Variants in GUCY1A2 observed in about 807,000 individuals in gnomAD.
The protein encoded by GUCY1A2 is guanylate cyclase soluble subunit alpha-2.
A neutral mutation model predicts 63.5 loss-of-function variants in GUCY1A2; 27 were observed. That is an observed-to-expected ratio of 0.43 (90% CI 0.31 to 0.59). GUCY1A2 has a LOEUF of 0.59. GUCY1A2 is among the 20% of genes least tolerant of loss of function. The probability of loss-of-function intolerance (pLI) is 0.11; values close to 1 mark genes in which losing one functional copy is unlikely to be tolerated. For synonymous variants in GUCY1A2, 364 were observed against 343.5 expected (o/e 1.06, Z -0.66); for missense variants, 768 against 913.3 (o/e 0.84, Z 2.05).
At chr11:106,830,156 A>G (rs1456063957) in intron 4 of GUCY1A2, among the ~76,000 whole-genome samples, 2 of 152,206 alleles carry the variant, frequency 1.3e-5, no homozygotes, top group Non-Finnish European at 2.9e-5. Flanking sequence ...ATCATGTGAC[A>G]TAAGATTTAT....
intron 5 of GUCY1A2, among the ~76,000 whole-genome samples, chr11:106,797,374 A>G (rs1421319598): frequency 6.6e-6 from 1 of 152,070 alleles, no homozygotes; most frequent in African/African-American, 2.4e-5. Flanking sequence ...CAGATCAACG[A>G]GACAGAAAGT....
In GUCY1A2 at chr11:106,678,143, T is replaced by A. The variant is rs1216794964; in HGVS notation, c.*9406A>T. 1.5e-5 allele frequency: 3 copies of A among 196,722 alleles called. No homozygotes were observed. Among genetic ancestry groups the A allele is most frequent in the Non-Finnish European group, 3.2e-5 (3 of 94,840 alleles). The allele number at this position is 196,722 out of a possible 1,614,324, so 12.2% of individuals were successfully genotyped here. A position where few individuals can be genotyped will look rare whatever the true frequency, so the allele number is the denominator to read the frequency against. ...AATTTTTCTAAAAGTCCCCCTGAAT[T>A]ACTTTAGATAATTATACAGTCCTCT... On this transcript the variant is annotated 3_prime_UTR_variant, in exon 8 of 8. Coordinates refer to ENST00000526355, the MANE Select transcript of GUCY1A2 (RefSeq NM_000855.3).
chr11:106,751,014 C>A (rs1400178505), intron 6 of GUCY1A2, among the ~76,000 whole-genome samples: 1 of 151,958 alleles, frequency 6.6e-6, no homozygotes, highest in East Asian at 1.9e-4. Context: ...ATGATGATGC[C>A]TGGTTAATTC....
intron 5 of GUCY1A2, among the ~76,000 whole-genome samples, chr11:106,785,797 T>C (rs1864544809): frequency 6.6e-6 from 1 of 152,246 alleles, no homozygotes; most frequent in Admixed American, 6.5e-5. Context: ...CTTCAGTTGT[T>C]TTAAATGATT....
At chr11:106,985,604 A>G (rs547212200) in intron 2 of GUCY1A2, among the ~76,000 whole-genome samples, 1 of 152,346 alleles carries the variant, frequency 6.6e-6, no homozygotes, top group African/African-American at 2.4e-5. Flanking sequence ...AACCACTTCA[A>G]GAAATAGATG....
intron 1 of GUCY1A2, among the ~76,000 whole-genome samples, chr11:106,998,363 G>C (rs1174068025): frequency 1.3e-5 from 2 of 152,134 alleles, no homozygotes; most frequent in African/African-American, 4.8e-5. Flanking sequence ...TTCTGACATG[G>C]CATCATGTTT....
intron 4 of GUCY1A2, among the ~76,000 whole-genome samples, chr11:106,877,039 C>T (rs187234222): frequency 1.3e-5 from 2 of 152,118 alleles, no homozygotes; most frequent in Admixed American, 1.3e-4. Flanking sequence ...TAGTGATGCA[C>T]TTTGAAGATG....
chr11:107,003,031 T>C (rs1000133530), intron 1 of GUCY1A2, among the ~76,000 whole-genome samples: 1 of 151,954 alleles, frequency 6.6e-6, no homozygotes, highest in Non-Finnish European at 1.5e-5. Context: ...TCAAGTCTTA[T>C]CTCATCCATC....
chr11:106,928,711 T>C (rs1311306766), intron 4 of GUCY1A2, among the ~76,000 whole-genome samples: 1 of 152,218 alleles, frequency 6.6e-6, no homozygotes, highest in Non-Finnish European at 1.5e-5. Context: ...TAGAGCTTAT[T>C]GCTCCTAGGC....
At chr11:106,692,349 C>T (rs1254724798) in intron 7 of GUCY1A2, among the ~76,000 whole-genome samples, 1 of 152,114 alleles carries the variant, frequency 6.6e-6, no homozygotes, top group Admixed American at 6.6e-5. Flanking sequence ...CTCTGCTCAA[C>T]AGTTTTTTCT....
At chr11:107,002,625 G>C (rs1182906092) in intron 1 of GUCY1A2, among the ~76,000 whole-genome samples, 3 of 152,128 alleles carry the variant, frequency 2.0e-5, no homozygotes, top group Non-Finnish European at 4.4e-5. Context: ...AGTTATGTAA[G>C]CAGTGGATTA....
intron 4 of GUCY1A2, among the ~76,000 whole-genome samples, chr11:106,868,413 G>C (rs930386673): frequency 6.6e-5 from 10 of 152,040 alleles, no homozygotes; most frequent in African/African-American, 9.7e-5. Flanking sequence ...CAAAGTCTCA[G>C]GATACAAAAT....
At chr11:106,821,397 A>G in intron 4 of GUCY1A2, among the ~76,000 whole-genome samples, 1 of 152,194 alleles carries the variant, frequency 6.6e-6, no homozygotes, top group East Asian at 1.9e-4. Flanking sequence ...CAATCAGTAA[A>G]TCATACACAT....
At chr11:106,744,420 T>C (rs1465189990) in intron 6 of GUCY1A2, among the ~76,000 whole-genome samples, 2 of 152,238 alleles carry the variant, frequency 1.3e-5, no homozygotes, top group South Asian at 4.2e-4. Flanking sequence ...CTAATTTTTG[T>C]ATTTTTAGTA....
At chr11:106,935,118 A>T (rs960561914) in intron 4 of GUCY1A2, among the ~76,000 whole-genome samples, 8 of 152,166 alleles carry the variant, frequency 5.3e-5, no homozygotes, top group Non-Finnish European at 1.0e-4. Flanking sequence ...GTGGTCTTCT[A>T]GTCTTTATTA....
At chr11:106,695,208 T>C (rs546004618) in intron 7 of GUCY1A2, among the ~76,000 whole-genome samples, 11 of 152,312 alleles carry the variant, frequency 7.2e-5, no homozygotes, top group African/African-American at 2.4e-4. Context: ...TATGTGTATA[T>C]GTCATTTTGT....
chr11:106,917,840 G>T (rs1176767848), intron 4 of GUCY1A2, among the ~76,000 whole-genome samples: 1 of 139,340 alleles, frequency 7.2e-6, no homozygotes, highest in African/African-American at 2.5e-5. Flanking sequence ...TATACCTAAT[G>T]TTAAATGATG....
rs1206235864 is a variant in GUCY1A2 at position 106,740,605 on chromosome 11, G to C, written c.1837-31939C>G. Among the ~76,000 whole-genome samples, 10 of 150,166 alleles carry C rather than the reference G, an allele frequency of 6.7e-5. No individual in the cohort carries two copies. The Admixed American group carries it at 6.7e-4, about 10-fold the overall frequency. On this transcript the variant is annotated intron_variant, in intron 6 of 7. Coordinates refer to ENST00000526355, the MANE Select transcript of GUCY1A2 (RefSeq NM_000855.3). The stretch of plus-strand genomic sequence containing the variant: ...TTTCCTCAAATGCCCTGTTAGAAAT[G>C]TTTACTCACTCTTCTCTTTACACTC...
intron 4 of GUCY1A2, among the ~76,000 whole-genome samples, chr11:106,818,317 G>A (rs990044755): frequency 6.6e-6 from 1 of 152,034 alleles, no homozygotes; most frequent in Non-Finnish European, 1.5e-5. Flanking sequence ...AATATTTCAA[G>A]CTCTTTCATT....
Sources: allele counts gnomAD v4.1 joint callset (sites outside exome capture counted in the v4.1 genomes callset), GRCh38; gene constraint gnomAD v4.1.1; transcripts MANE v1.5; gene names NCBI Gene and HGNC (gene_info 2026-07-23, HGNC 2026-07-21).